Variants in HECW2 observed in about 807,000 individuals in gnomAD.
The protein encoded by HECW2 is HECT, C2 and WW domain containing E3 ubiquitin protein ligase 2, also known as E3 ubiquitin-protein ligase HECW2.
A neutral mutation model predicts 175.2 loss-of-function variants in HECW2; 61 were observed. The observed-to-expected ratio is 0.35, with a 90% CI of 0.28 to 0.43. The LOEUF is 0.43. Among genes scored for constraint, HECW2 ranks in the 20% least tolerant of loss-of-function variants. The pLI is 1.00. For synonymous variants in HECW2, 671 were observed against 731.0 expected, an observed-to-expected ratio of 0.92 and a Z score of 1.32; for missense variants, 1,524 against 2,000.5, an observed-to-expected ratio of 0.76 and a Z score of 4.54.
At chr2:196,332,231 C>T (rs988026277) in intron 4 of HECW2, among the ~76,000 whole-genome samples, 3 of 152,040 alleles carry the variant, frequency 2.0e-5, no homozygotes, top group Non-Finnish European at 4.4e-5. Context: ...TGTATCTGGC[C>T]ATGGTATAAT....
intron 17 of HECW2, among the ~76,000 whole-genome samples, chr2:196,262,059 T>C (rs1689316221): frequency 6.6e-6 from 1 of 152,228 alleles, no homozygotes; most frequent in South Asian, 2.1e-4. Flanking sequence ...GGCAGTCCTC[T>C]CTGTTGCCCA....
chr2:196,541,451 G>A (rs1201541931), intron 1 of HECW2, among the ~76,000 whole-genome samples: 2 of 152,036 alleles, frequency 1.3e-5, no homozygotes, highest in African/African-American at 4.8e-5. Flanking sequence ...TAGAGGATTG[G>A]GAGAAATCTT....
intron 19 of HECW2, chr2:196,242,793 A>G (rs899134070): frequency 2.0e-5 from 3 of 150,124 alleles, no homozygotes; most frequent in African/African-American, 7.4e-5. Flanking sequence ...CCTGGGTTCA[A>G]GTGATTCTCC....
intron 22 of HECW2, among the ~76,000 whole-genome samples, chr2:196,226,238 A>ACT (rs368967643): frequency 2.0e-5 from 3 of 148,674 alleles, no homozygotes; most frequent in Admixed American, 6.7e-5. Flanking sequence ...ACACACACAC[A>ACT]CTCTCTCTCT....
chr2:196,205,078 CT>C (rs1292186053), intron 28 of HECW2, among the ~76,000 whole-genome samples: 13 of 152,188 alleles, frequency 8.5e-5, no homozygotes, highest in Admixed American at 8.5e-4. Context: ...TAATCTAAGG[CT>C]ATTGCTGCTT....
At chr2:196,268,459 TAA>T (rs1689599022) in intron 17 of HECW2, among the ~76,000 whole-genome samples, 1 of 152,150 alleles carries the variant, frequency 6.6e-6, no homozygotes, top group Non-Finnish European at 1.5e-5. Flanking sequence ...TTTCAGACTC[TAA>T]AAAGCAGAAA....
intron 1 of HECW2, among the ~76,000 whole-genome samples, chr2:196,491,848 A>C (rs1054414783): frequency 2.0e-5 from 3 of 152,122 alleles, no homozygotes; most frequent in African/African-American, 7.2e-5. Flanking sequence ...ATTAAAGAAA[A>C]AAAATTTATT....
chr2:196,429,071 G>A (rs990593986), intron 2 of HECW2, among the ~76,000 whole-genome samples: 1 of 152,154 alleles, frequency 6.6e-6, no homozygotes, highest in Non-Finnish European at 1.5e-5. Context: ...CCAAGTACAA[G>A]AGAAGAGGAA....
chr2:196,532,881 C>T (rs1003395955), intron 1 of HECW2, among the ~76,000 whole-genome samples: 6 of 152,212 alleles, frequency 3.9e-5, no homozygotes, highest in African/African-American at 9.6e-5. Context: ...CATAACTTAG[C>T]GTGGCTCAGT....
rs1381202617 is a variant in HECW2 at position 196,195,815 on chromosome 2, T to C, written c.*5462A>G. 1 of 152,168 alleles carries C rather than the reference T, an allele frequency of 6.6e-6. No individual in the cohort carries two copies. Among genetic ancestry groups the C allele is most frequent in the Non-Finnish European group, 1.5e-5 (1 of 68,030 alleles). 9.4% of individuals were successfully genotyped at this position (152,168 alleles called of 1,614,324 possible). On this transcript the variant is annotated 3_prime_UTR_variant, in exon 29 of 29. Transcript: ENST00000644978. ...CATAATTTTATGCTAAATTGTCAAA[T>C]CTCCTGATCAAGCTATGGTTAGCTT...
intron 2 of HECW2, among the ~76,000 whole-genome samples, chr2:196,417,792 T>C (rs1024756692): frequency 6.6e-6 from 1 of 152,352 alleles, no homozygotes; most frequent in Admixed American, 6.5e-5. Context: ...AGAGAAAAAG[T>C]GGCTGTCATG....
intron 19 of HECW2, among the ~76,000 whole-genome samples, chr2:196,243,413 T>A (rs1023163968): frequency 6.6e-6 from 1 of 151,600 alleles, no homozygotes; most frequent in African/African-American, 2.4e-5. Flanking sequence ...GTAATCCACC[T>A]GCCTTGGCCT....
At chr2:196,219,940 C>G in intron 26 of HECW2, 99 bp downstream of exon 26, 2 of 742,124 alleles carry the variant, frequency 2.7e-6, no homozygotes, top group South Asian at 1.6e-5. Flanking sequence ...TGATTAGAGT[C>G]CAAGTGCTGT....
intron 1 of HECW2, among the ~76,000 whole-genome samples, chr2:196,538,302 A>T (rs1689088851): frequency 6.6e-6 from 1 of 152,148 alleles, no homozygotes; most frequent in Non-Finnish European, 1.5e-5. Context: ...AGCTTGTTTA[A>T]AATTAAGAAC....
chr2:196,502,577 T>C (rs1184561368), intron 1 of HECW2, among the ~76,000 whole-genome samples: 1 of 152,230 alleles, frequency 6.6e-6, no homozygotes, highest in African/African-American at 2.4e-5. Flanking sequence ...GTTATACATA[T>C]TCGTACTCCA....
intron 2 of HECW2, among the ~76,000 whole-genome samples, chr2:196,360,450 A>C (rs1410612698): frequency 6.6e-6 from 1 of 152,202 alleles, no homozygotes. Context: ...CAGGAACAGA[A>C]AACCAAATAC....
At chr2:196,493,118 G>A (rs1362931726) in intron 1 of HECW2, 1 of 152,124 alleles carries the variant, frequency 6.6e-6, no homozygotes, top group Non-Finnish European at 1.5e-5. Flanking sequence ...CCTGTAATCC[G>A]AGCACTTTGG....
At chr2:196,581,323 T>C (rs1159589059) in intron 1 of HECW2, among the ~76,000 whole-genome samples, 1 of 152,114 alleles carries the variant, frequency 6.6e-6, no homozygotes, top group African/African-American at 2.4e-5. Flanking sequence ...TCACTTGAGG[T>C]CAGGAGTTCA....
intron 13 of HECW2, among the ~76,000 whole-genome samples, chr2:196,301,703 C>G (rs542240765): frequency 6.8e-6 from 1 of 147,770 alleles, no homozygotes; most frequent in Non-Finnish European, 1.5e-5. Context: ...TTCATATCCT[C>G]TGCCCACTTT....
Sources: gnomAD v4.1 joint callset for allele counts (sites outside exome capture counted in the v4.1 genomes callset) on GRCh38, gnomAD v4.1.1 for gene constraint, MANE v1.5 for transcripts, NCBI Gene and HGNC (gene_info 2026-07-23, HGNC 2026-07-21) for gene names.